RNF150: variants seen among roughly 807,000 people sequenced by gnomAD.
RNF150 encodes ring finger protein 150.
RNF150 carries 24 observed loss-of-function variants against 39.3 expected under a neutral mutation model. That is an observed-to-expected ratio of 0.61 (90% confidence interval 0.44 to 0.86). RNF150 has a LOEUF of 0.86. RNF150 is among the 40% of genes least tolerant of loss of function. The pLI is 0.00. For synonymous variants in RNF150, 255 were observed against 227.3 expected (o/e 1.12, Z -1.10); for missense variants, 502 against 587.8 (o/e 0.85, Z 1.51).
intron 1 of RNF150, among the ~76,000 whole-genome samples, chr4:141,003,279 A>T (rs1560681742): frequency 6.6e-6 from 1 of 152,160 alleles, no homozygotes; most frequent in Non-Finnish European, 1.5e-5. Flanking sequence ...ATTAATTTAC[A>T]TTGTGGAAAA....
chr4:141,000,071 GAAGAAGAAGAAGAAGGAGA>G (rs1734596572), intron 1 of RNF150, among the ~76,000 whole-genome samples: 3 of 90,612 alleles, frequency 3.3e-5, no homozygotes, highest in African/African-American at 1.3e-4. Flanking sequence ...AGAAGAAGAA[GAAGAAGAAGAAGAAGGAGA>G]AGAAGAAGAA....
intron 1 of RNF150, among the ~76,000 whole-genome samples, chr4:141,081,686 C>T (rs1738154067): frequency 6.6e-6 from 1 of 152,206 alleles, no homozygotes; most frequent in Non-Finnish European, 1.5e-5. Flanking sequence ...TTGAACTATT[C>T]TTTAATGTGT....
At chr4:140,919,169 T>C (rs1730990460) in intron 5 of RNF150, among the ~76,000 whole-genome samples, 1 of 140,088 alleles carries the variant, frequency 7.1e-6, no homozygotes, top group Admixed American at 7.5e-5. Flanking sequence ...CAACATAGTG[T>C]TGGAAGTTCT....
At position 140,865,635 on chromosome 4, in the gene RNF150, C is replaced by T. The variant is rs933659386; in HGVS notation, c.*2626G>A. 6.7e-6 allele frequency: 1 copy of T among 149,390 alleles called. No homozygotes were observed. The allele number at this position is 149,390 out of a possible 1,614,324, so 9.3% of individuals were successfully genotyped here. ...TTTGGTAAGTAGTGAATGGCAAAGGCTCAGGGGGTTTGCAGCAGGACCTCC... is the reference window on the plus strand; with the variant it reads ...TTTGGTAAGTAGTGAATGGCAAAGGTTCAGGGGGTTTGCAGCAGGACCTCC... On this transcript the variant is annotated 3_prime_UTR_variant, in exon 7 of 7. Coordinates refer to ENST00000515673, the MANE Select transcript of RNF150 (RefSeq NM_020724.2).
At chr4:140,962,771 T>A (rs1444405948) in intron 2 of RNF150, among the ~76,000 whole-genome samples, 1 of 152,000 alleles carries the variant, frequency 6.6e-6, no homozygotes, top group Non-Finnish European at 1.5e-5. Context: ...ATCCTCACTG[T>A]GACCGTAAGA....
rs1726918100 is a variant in RNF150, at chr4:141,132,370, T to G, written c.439A>C (p.Asn147His). ...GTCTCGTTGGTGTTGGAGCCCACGT[T>G]GAAGATGACCACGGCTGAGGCGTTC... ...LQNASAVVIF[N>H]VGSNTNETIT... The change falls in exon 1 of 7, where the codon AAC becomes CAC. Residue 147 changes from asparagine (N) to histidine (H), a missense_variant. Transcript: ENST00000515673. The surrounding 1 kb of genome is among the most constrained non-coding windows in gnomAD (Gnocchi z 4.9). The G allele has an allele frequency of 6.3e-7, 1 of 1,597,908 alleles. No homozygotes were observed. Among genetic ancestry groups the G allele is most frequent in the African/African-American group, 1.3e-5 (1 of 74,654 alleles).
chr4:141,140,669 G>T (rs181647235), intron 1 of RNF150, among the ~76,000 whole-genome samples: 118 of 152,282 alleles, frequency 7.7e-4, no homozygotes, highest in African/African-American at 2.7e-3. Context: ...TAAAAGCCAA[G>T]ACATTCAGAG....
intron 6 of RNF150, among the ~76,000 whole-genome samples, chr4:140,881,160 T>A (rs1459755005): frequency 1.3e-5 from 2 of 151,514 alleles, no homozygotes; most frequent in African/African-American, 4.9e-5. Context: ...TAAACTTTCC[T>A]TTGTACTTTT....
At chr4:140,965,539 T>C (rs528415903) in intron 2 of RNF150, among the ~76,000 whole-genome samples, 35 of 152,164 alleles carry the variant, frequency 2.3e-4, no homozygotes, top group African/African-American at 7.9e-4. Flanking sequence ...AAAATGTATA[T>C]ACATACACAC....
chr4:141,020,307 T>C (rs986750115), intron 1 of RNF150, among the ~76,000 whole-genome samples: 2 of 152,164 alleles, frequency 1.3e-5, no homozygotes, highest in Non-Finnish European at 2.9e-5. Context: ...TTTACACACA[T>C]GCACACATGC....
At chr4:140,906,292 G>A (rs2111261282) in intron 6 of RNF150, among the ~76,000 whole-genome samples, 1 of 151,550 alleles carries the variant, frequency 6.6e-6, no homozygotes, top group South Asian at 2.1e-4. Context: ...CACCTACCAT[G>A]GCTCAAAAAT....
chr4:141,057,257 A>G (rs1471489339), intron 1 of RNF150, among the ~76,000 whole-genome samples: 1 of 151,868 alleles, frequency 6.6e-6, no homozygotes, highest in Non-Finnish European at 1.5e-5. Flanking sequence ...TTAAAATTAT[A>G]TTTATGTAAT....
At chr4:140,918,450 C>T (rs1264383655) in intron 5 of RNF150, among the ~76,000 whole-genome samples, 1 of 152,316 alleles carries the variant, frequency 6.6e-6, no homozygotes, top group East Asian at 1.9e-4. Context: ...TGGATAAATT[C>T]CTGGACACAT....
intron 2 of RNF150, among the ~76,000 whole-genome samples, chr4:140,959,980 C>T (rs527620935): frequency 3.1e-4 from 47 of 152,060 alleles, no homozygotes; most frequent in Non-Finnish European, 3.4e-4. Context: ...TCTGATGATC[C>T]CCCACATTGG....
intron 4 of RNF150, among the ~76,000 whole-genome samples, chr4:140,929,083 C>G (rs1042881387): frequency 6.6e-6 from 1 of 152,186 alleles, no homozygotes; most frequent in African/African-American, 2.4e-5. Context: ...GGCAAACGCT[C>G]TGGTCCTTTG....
intron 1 of RNF150, among the ~76,000 whole-genome samples, chr4:141,178,299 T>C (rs1046114154): frequency 6.6e-6 from 1 of 152,106 alleles, no homozygotes; most frequent in African/African-American, 2.4e-5. Flanking sequence ...TCTCTAATTA[T>C]AGAACAGAAT....
At chr4:140,896,720 AC>A (rs759166132) in intron 6 of RNF150, among the ~76,000 whole-genome samples, 8,960 of 59,136 alleles carry the variant, frequency 0.15, 424 homozygotes, top group Middle Eastern at 0.23. Context: ...AAACAAACAA[AC>A]AAAAAAAAAT....
intron 1 of RNF150, among the ~76,000 whole-genome samples, chr4:140,994,764 G>A (rs1161854507): frequency 6.6e-6 from 1 of 152,168 alleles, no homozygotes; most frequent in African/African-American, 2.4e-5. Context: ...TTCCACCCAA[G>A]TTGCTACGCC....
chr4:140,989,221 A>C (rs947535062), intron 1 of RNF150, among the ~76,000 whole-genome samples: 1 of 152,128 alleles, frequency 6.6e-6, no homozygotes, highest in African/African-American at 2.4e-5. Flanking sequence ...CCCTGTTGGA[A>C]AATAGGATTA....
Sources: allele counts gnomAD v4.1 joint callset (sites outside exome capture counted in the v4.1 genomes callset), GRCh38; gene constraint gnomAD v4.1.1; non-coding constraint Gnocchi (gnomAD v3.1); transcripts MANE v1.5; gene names NCBI Gene and HGNC (gene_info 2026-07-23, HGNC 2026-07-21).